Variants in EXPH5 observed in about 807,000 individuals in gnomAD.
EXPH5 encodes exophilin 5, also known as exophilin-5.
Under a neutral mutation model 41.1 loss-of-function variants are expected in EXPH5, and 42 were observed. That is an observed-to-expected ratio of 1.02 (90% CI 0.80 to 1.32). The LOEUF (loss-of-function observed/expected upper bound fraction) is 1.32, where lower values mean the gene tolerates loss of function less well. Ranked by LOEUF, EXPH5 falls within the 40% of genes most tolerant of loss-of-function variation. EXPH5 has a pLI of 0.00. For missense variants in EXPH5, 2,298 were observed against 2,314.5 expected (o/e 0.99, Z 0.15); for synonymous variants, 798 against 833.5 (o/e 0.96, Z 0.73).
chr11:108,569,365 A>G (rs979866173), intron 1 of EXPH5, among the ~76,000 whole-genome samples: 3 of 152,048 alleles, frequency 2.0e-5, no homozygotes, highest in Admixed American at 2.0e-4. Context: ...TTGGAGACAG[A>G]GCCTCTCTCT....
rs768800591 is a variant in EXPH5, at chr11:108,511,510, G to A, written c.3997C>T (p.Arg1333Ter). 5 of 1,596,228 alleles carry A rather than the reference G, an allele frequency of 3.1e-6. No individual in the cohort carries two copies. Among genetic ancestry groups the A allele is most frequent in the Admixed American group, 1.8e-5 (1 of 55,400 alleles). Residue 1333 changes from arginine (R) to a stop codon, truncating the protein, a stop_gained, in exon 6 of 6, where the codon CGA becomes TGA. Transcript: ENST00000265843. LOFTEE classifies it low-confidence loss of function (END_TRUNC). ...GCTAGGGGCCCCCTATTTGATAATC[G>A]GAAGGCAGTCATATTTTCAGTGGTG... Reference protein sequence around the residue: ...TLTTENMTAFRLSNRGPLAPT... With the variant: ...TLTTENMTAF
intron 1 of EXPH5, among the ~76,000 whole-genome samples, chr11:108,566,707 A>G (rs1217661700): frequency 6.6e-6 from 1 of 152,178 alleles, no homozygotes; most frequent in African/African-American, 2.4e-5. Flanking sequence ...AAATAAATAA[A>G]TAAATAATCC....
chr11:108,509,568 A>C lies in EXPH5; in HGVS notation c.5939T>G (p.Leu1980Arg), dbSNP rs2093662577. Residue 1980 changes from leucine to arginine, a missense_variant, in exon 6 of 6, where the codon CTG (leucine) becomes CGG (arginine). Leu to Arg is a moderately radical substitution (Grantham distance 102). Transcript: ENST00000265843. ...TDTTTDDEYY[L>R]DENDKESEL ...TTCTGACTCTTTGTCATTTTCATCC[A>C]GGTAGTATTCATCATCTGTGGTTGT... The C allele has an allele frequency of 6.3e-7, 1 of 1,575,858 alleles. No individual in the cohort carries two copies. The highest frequency in any genetic ancestry group is 8.6e-7 in the Non-Finnish European group (1 of 1,167,268).
chr11:108,533,879 T>G (rs1229313080), intron 3 of EXPH5, among the ~76,000 whole-genome samples: 3 of 152,114 alleles, frequency 2.0e-5, no homozygotes, highest in Admixed American at 6.5e-5. Flanking sequence ...CACTGAAGCT[T>G]GACCTTCTGG....
chr11:108,580,359 T>C (rs1432306549), intron 1 of EXPH5, among the ~76,000 whole-genome samples: 1 of 151,890 alleles, frequency 6.6e-6, no homozygotes, highest in Non-Finnish European at 1.5e-5. Context: ...TGAGGCATCA[T>C]CTCAGTATGG....
intron 1 of EXPH5, among the ~76,000 whole-genome samples, chr11:108,574,077 GT>G (rs71303231): frequency 0.03 from 4,281 of 142,156 alleles, 219 homozygotes; most frequent in African/African-American, 0.1. Context: ...AATTTTGTGT[GT>G]TTTTTTTTTT....
chr11:108,561,190 T>C (rs947099599), intron 1 of EXPH5, among the ~76,000 whole-genome samples: 2 of 152,178 alleles, frequency 1.3e-5, no homozygotes, highest in African/African-American at 4.8e-5. Flanking sequence ...CAGGTGTGCT[T>C]TATAGAAGGA....
chr11:108,528,091 A>G lies in EXPH5; in HGVS notation c.492+45T>C, dbSNP rs1225590242. ...TAGGTAGCCACCCTGGGATTACATAAATTCTGAATTTCTTAGAGTAACCTG... is the reference window on the plus strand; with the variant it reads ...TAGGTAGCCACCCTGGGATTACATAGATTCTGAATTTCTTAGAGTAACCTG... On this transcript the variant is annotated intron_variant, in intron 4 of 5. Coordinates refer to ENST00000265843, the MANE Select transcript of EXPH5 (RefSeq NM_015065.3). 9 of 1,322,756 alleles carry G rather than the reference A, an allele frequency of 6.8e-6. No individual in the cohort carries two copies. The South Asian group carries it at 1.1e-4, about 16-fold the overall frequency. The allele number at this position is 1,322,756 out of a possible 1,614,324, so 81.9% of individuals were successfully genotyped here. A position where few individuals can be genotyped will look rare whatever the true frequency, so the allele number is the denominator to read the frequency against.
At chr11:108,562,600 C>T (rs945519138) in intron 1 of EXPH5, among the ~76,000 whole-genome samples, 5 of 151,540 alleles carry the variant, frequency 3.3e-5, no homozygotes, top group Admixed American at 3.3e-4. Flanking sequence ...CAGAGCAAGA[C>T]GCTGTTTCAA....
chr11:108,605,603 T>A, the EXPH5 span, among the ~76,000 whole-genome samples: 11 of 152,166 alleles, frequency 7.2e-5, no homozygotes, highest in African/African-American at 2.4e-4. Context: ...GTCCAAAATG[T>A]CAACAGTGCT....
chr11:108,574,256 A>G (rs1427976164), intron 1 of EXPH5, among the ~76,000 whole-genome samples: 1 of 151,940 alleles, frequency 6.6e-6, no homozygotes, highest in Admixed American at 6.6e-5. Flanking sequence ...GTGCACGTTC[A>G]TAGTCCTAGC....
At chr11:108,540,574 A>G (rs2093907241) in intron 2 of EXPH5, among the ~76,000 whole-genome samples, 3 of 152,220 alleles carry the variant, frequency 2.0e-5, no homozygotes, top group African/African-American at 7.2e-5. Context: ...TGTTAATAAC[A>G]TGCAAAAATG....
chr11:108,582,107 T>C (rs1305558813), intron 1 of EXPH5, among the ~76,000 whole-genome samples: 1 of 152,088 alleles, frequency 6.6e-6, no homozygotes, highest in Admixed American at 6.5e-5. Flanking sequence ...TTCCAGAAAA[T>C]AGAAGAAAAC....
At chr11:108,553,177 C>T (rs564589835) in intron 1 of EXPH5, among the ~76,000 whole-genome samples, 183 of 152,156 alleles carry the variant, frequency 1.2e-3, no homozygotes, top group Non-Finnish European at 1.5e-3. Context: ...CCAGCTTGGG[C>T]GACAGAGTGA....
intron 1 of EXPH5, among the ~76,000 whole-genome samples, chr11:108,556,976 C>A (rs1334429917): frequency 6.6e-6 from 1 of 152,178 alleles, no homozygotes; most frequent in African/African-American, 2.4e-5. Flanking sequence ...CATTTGGCTT[C>A]TTTTTTCCCT....
intron 4 of EXPH5, among the ~76,000 whole-genome samples, chr11:108,523,169 C>T (rs2093776231): frequency 1.3e-5 from 2 of 152,268 alleles, no homozygotes; most frequent in South Asian, 2.1e-4. Context: ...AACCACCACG[C>T]CCAGCCTCCA....
intron 1 of EXPH5, among the ~76,000 whole-genome samples, chr11:108,551,095 A>G (rs866856455): frequency 2.0e-5 from 3 of 152,188 alleles, no homozygotes; most frequent in South Asian, 2.1e-4. Context: ...CTTATTGCCA[A>G]TCCTCACCCT....
At chr11:108,558,440 G>GTA (rs1466587464) in intron 1 of EXPH5, among the ~76,000 whole-genome samples, 2 of 152,162 alleles carry the variant, frequency 1.3e-5, no homozygotes, top group Admixed American at 1.3e-4. Context: ...CAAAGGGTAT[G>GTA]CCCCACTATT....
At chr11:108,525,775 G>A (rs1469568068) in intron 4 of EXPH5, among the ~76,000 whole-genome samples, 1 of 151,994 alleles carries the variant, frequency 6.6e-6, no homozygotes, top group Non-Finnish European at 1.5e-5. Flanking sequence ...GGGTTGAGGG[G>A]ATAGAACTTC....
Sources: gnomAD v4.1 joint callset for allele counts (sites outside exome capture counted in the v4.1 genomes callset) on GRCh38, gnomAD v4.1.1 for gene constraint, MANE v1.5 for transcripts, NCBI Gene and HGNC (gene_info 2026-07-23, HGNC 2026-07-21) for gene names.